The following BCAS4 variants were observed in gnomAD, a reference collection of about 807,000 sequenced individuals.
The protein encoded by BCAS4 is breast carcinoma amplified sequence 4.
In BCAS4, 9 loss-of-function variants were observed where a neutral mutation model predicts 15.7. The ratio of observed to expected loss-of-function variants is 0.57; its 90% CI spans 0.34 to 1.00. The LOEUF (loss-of-function observed/expected upper bound fraction) is 1.00. Ranked by LOEUF, BCAS4 falls within the 50% of genes least tolerant of loss-of-function variation. The pLI is 0.02. For synonymous variants in BCAS4, 101 were observed against 99.5 expected (o/e 1.02, Z -0.09); for missense variants, 225 against 239.1 (o/e 0.94, Z 0.39).
intron 4 of BCAS4, among the ~76,000 whole-genome samples, chr20:50,859,962 A>T (rs1978984858): frequency 6.6e-6 from 1 of 152,088 alleles, no homozygotes; most frequent in African/African-American, 2.4e-5. Flanking sequence ...CAACATAGGG[A>T]GACCCCCATC....
intron 1 of BCAS4, among the ~76,000 whole-genome samples, chr20:50,810,823 T>C (rs1194744272): frequency 6.6e-6 from 1 of 152,010 alleles, no homozygotes; most frequent in Non-Finnish European, 1.5e-5. Flanking sequence ...ATCTCCTGAC[T>C]TTGTGATCTG....
intron 2 of BCAS4, among the ~76,000 whole-genome samples, chr20:50,821,351 CT>C (rs1002106934): frequency 2.0e-5 from 3 of 152,206 alleles, no homozygotes; most frequent in Non-Finnish European, 4.4e-5. Flanking sequence ...TGTGGGACCC[CT>C]GGGGGTGTTT....
intron 4 of BCAS4, among the ~76,000 whole-genome samples, chr20:50,867,980 C>A (rs552623510): frequency 6.6e-6 from 1 of 152,332 alleles, no homozygotes; most frequent in South Asian, 2.1e-4. Context: ...CCACGCCCAG[C>A]CTCAGACTTT....
chr20:50,835,401 C>T (rs2088396312), intron 3 of BCAS4, among the ~76,000 whole-genome samples: 1 of 151,984 alleles, frequency 6.6e-6, no homozygotes, highest in Non-Finnish European at 1.5e-5. Context: ...CCTGCCACCA[C>T]ACCCGGCTAA....
chr20:50,849,135 G>A (rs1333407767), intron 4 of BCAS4, among the ~76,000 whole-genome samples: 2 of 152,254 alleles, frequency 1.3e-5, no homozygotes, highest in Admixed American at 6.5e-5. Context: ...CGTGCCCAGG[G>A]GCACAGAGCA....
chr20:50,850,206 C>G (rs942061917), intron 4 of BCAS4, among the ~76,000 whole-genome samples: 1 of 152,234 alleles, frequency 6.6e-6, no homozygotes, highest in South Asian at 2.1e-4. Context: ...CTACTGTATA[C>G]GAAGGGCTTT....
intron 3 of BCAS4, among the ~76,000 whole-genome samples, chr20:50,832,425 T>G (rs549337493): frequency 6.6e-6 from 1 of 151,842 alleles, no homozygotes; most frequent in Non-Finnish European, 1.5e-5. Context: ...GTCCAGCTAA[T>G]TTTTGTATTT....
At chr20:50,820,316 G>A (rs1177267628) in intron 2 of BCAS4, among the ~76,000 whole-genome samples, 1 of 152,220 alleles carries the variant, frequency 6.6e-6, no homozygotes, top group African/African-American at 2.4e-5. Context: ...GTCAAGGTGT[G>A]AAGGGATTCC....
At chr20:50,800,331 GT>G (rs1159599426) in intron 1 of BCAS4, among the ~76,000 whole-genome samples, 1 of 152,000 alleles carries the variant, frequency 6.6e-6, no homozygotes, top group Non-Finnish European at 1.5e-5. Context: ...GAAGCAGGGG[GT>G]TTTTGGGGGA....
At chr20:50,838,628 T>G (rs2088438835) in intron 3 of BCAS4, among the ~76,000 whole-genome samples, 1 of 152,110 alleles carries the variant, frequency 6.6e-6, no homozygotes, top group Non-Finnish European at 1.5e-5. Flanking sequence ...GTGGGTCACC[T>G]GAGATTGGGA....
intron 1 of BCAS4, among the ~76,000 whole-genome samples, chr20:50,817,790 A>C: frequency 1.3e-5 from 2 of 151,708 alleles, no homozygotes; most frequent in East Asian, 1.9e-4. Flanking sequence ...CACCGGGGCC[A>C]CTGTGTTTAT....
At chr20:50,831,759 C>G (rs538164424) in intron 3 of BCAS4, among the ~76,000 whole-genome samples, 2 of 152,200 alleles carry the variant, frequency 1.3e-5, no homozygotes, top group Admixed American at 1.3e-4. Flanking sequence ...TGGCTCCTTG[C>G]ACAGCAGAGG....
At chr20:50,865,469 G>A (rs896578297) in intron 4 of BCAS4, among the ~76,000 whole-genome samples, 2 of 152,130 alleles carry the variant, frequency 1.3e-5, no homozygotes, top group Non-Finnish European at 1.5e-5. Flanking sequence ...AGACTTCTGG[G>A]GCCACTCCTC....
intron 4 of BCAS4, among the ~76,000 whole-genome samples, chr20:50,845,798 G>T (rs917594852): frequency 6.6e-6 from 1 of 152,254 alleles, no homozygotes; most frequent in African/African-American, 2.4e-5. Context: ...CAAGGATATT[G>T]GGTGGCCCCA....
At chr20:50,863,633 C>T (rs1979207876) in intron 4 of BCAS4, among the ~76,000 whole-genome samples, 3 of 152,148 alleles carry the variant, frequency 2.0e-5, no homozygotes, top group African/African-American at 7.2e-5. Context: ...TTCAAGGATT[C>T]TATTGATAAT....
chr20:50,843,916 T>G (rs1416014872), intron 4 of BCAS4, among the ~76,000 whole-genome samples: 1 of 152,034 alleles, frequency 6.6e-6, no homozygotes, highest in Non-Finnish European at 1.5e-5. Flanking sequence ...GGCCAAGGCA[T>G]GTGGATCACT....
rs371524681 is a variant in BCAS4 at position 50,832,263 on chromosome 20, C to G, written c.264+1883C>G. ...AAAAAGAAGAAAAGAAAACAACACA[C>G]TTTTTTTTTTTTTAGATGGAGTCTT... is the stretch of plus-strand genomic sequence containing the variant. On this transcript the variant is annotated intron_variant, in intron 3 of 4. Coordinates refer to ENST00000371608, the MANE Select transcript of BCAS4 (RefSeq NM_198799.4). Among the ~76,000 whole-genome samples, 4 of 145,264 alleles carry G rather than the reference C, an allele frequency of 2.8e-5. No individual in the cohort carries two copies. The East Asian group carries it at 6.1e-4, about 22-fold the overall frequency.
At chr20:50,867,535 G>T (rs1979419637) in intron 4 of BCAS4, among the ~76,000 whole-genome samples, 1 of 151,758 alleles carries the variant, frequency 6.6e-6, no homozygotes, top group African/African-American at 2.4e-5. Flanking sequence ...TTTGGGTTTT[G>T]TCTGTAGAGA....
chr20:50,798,575 A>C (rs2087893258), intron 1 of BCAS4, among the ~76,000 whole-genome samples: 1 of 152,198 alleles, frequency 6.6e-6, no homozygotes, highest in Non-Finnish European at 1.5e-5. Flanking sequence ...CACTAGTACA[A>C]AGTTAATGAA....
Sources: gnomAD v4.1 joint callset for allele counts (sites outside exome capture counted in the v4.1 genomes callset) on GRCh38, gnomAD v4.1.1 for gene constraint, MANE v1.5 for transcripts, NCBI Gene and HGNC (gene_info 2026-07-23, HGNC 2026-07-21) for gene names.